The following ZNF831 variants were observed in gnomAD, a reference collection of about 807,000 sequenced individuals.
The protein encoded by ZNF831 is chromosome 20 open reading frame 174.
In ZNF831, 59 loss-of-function variants were observed where a neutral mutation model predicts 95.8. That is an observed-to-expected ratio of 0.62 (90% CI 0.50 to 0.77). The LOEUF (loss-of-function observed/expected upper bound fraction) is 0.77. Among genes scored for constraint, ZNF831 ranks in the 30% least tolerant of loss-of-function variants. The pLI, the probability that ZNF831 is intolerant of heterozygous loss-of-function variation, is 0.00. For synonymous variants in ZNF831, 961 were observed against 925.5 expected (o/e 1.04, Z -0.70); for missense variants, 2,205 against 2,164.0 (o/e 1.02, Z -0.38).
intron 3 of ZNF831, among the ~76,000 whole-genome samples, chr20:59,203,535 G>A (rs1984675870): frequency 6.6e-6 from 1 of 152,072 alleles, no homozygotes; most frequent in South Asian, 2.1e-4. Flanking sequence ...AAGAATACGT[G>A]GCACAGATTG....
At chr20:59,167,043 G>A (rs574403715) in intron 1 of ZNF831, among the ~76,000 whole-genome samples, 10 of 152,320 alleles carry the variant, frequency 6.6e-5, no homozygotes, top group East Asian at 3.9e-4. Context: ...CATCCACACC[G>A]AAATGGATCC....
At position 59,184,824 on chromosome 20, in the gene ZNF831, G is replaced by A. The variant is rs1307001324; in HGVS notation, c.-36-6160G>A. Among the ~76,000 whole-genome samples the A allele has an allele frequency of 2.6e-5, 4 of 152,302 alleles. No individual in the cohort carries two copies. The East Asian group carries it at 7.7e-4, about 29-fold the overall frequency. ...TCATTTGTGGTTTGCTTTTGCAAAG[G>A]AGGGCTTGGGAAATTGTCACTTCTT... On this transcript the variant is annotated intron_variant, in intron 1 of 5. Coordinates refer to ENST00000371030, the MANE Select transcript of ZNF831 (RefSeq NM_178457.3).
At chr20:59,251,411 C>T (rs940757359) in intron 4 of ZNF831, among the ~76,000 whole-genome samples, 5 of 152,168 alleles carry the variant, frequency 3.3e-5, no homozygotes, top group East Asian at 1.9e-4. Flanking sequence ...GCAATAGAGC[C>T]GTGTCTGCAA....
intron 2 of ZNF831, among the ~76,000 whole-genome samples, chr20:59,148,740 G>A (rs1744236890): frequency 7.6e-6 from 1 of 131,544 alleles, no homozygotes; most frequent in African/African-American, 2.8e-5. Context: ...GAGCGTGAGA[G>A]CAAGCAGGGT....
intron 4 of ZNF831, among the ~76,000 whole-genome samples, chr20:59,249,234 T>C (rs1362058111): frequency 6.6e-6 from 1 of 152,218 alleles, no homozygotes; most frequent in Admixed American, 6.5e-5. Context: ...CCCTGGCTAC[T>C]CTTTGGATTA....
intron 1 of ZNF831, among the ~76,000 whole-genome samples, chr20:59,144,749 G>A (rs1035120362): frequency 2.0e-5 from 3 of 152,110 alleles, no homozygotes; most frequent in South Asian, 2.1e-4. Context: ...CCTGCCTCTC[G>A]TCCTGGTAGA....
chr20:59,252,216 C>T (rs772466072), intron 4 of ZNF831, among the ~76,000 whole-genome samples: 3 of 152,190 alleles, frequency 2.0e-5, no homozygotes, highest in Non-Finnish European at 2.9e-5. Context: ...TTAGGCTTGA[C>T]TTTTCAGACT....
At chr20:59,236,543 G>A (rs973866857) in intron 4 of ZNF831, among the ~76,000 whole-genome samples, 2 of 148,738 alleles carry the variant, frequency 1.3e-5, no homozygotes, top group African/African-American at 4.9e-5. Context: ...GCACCACCAC[G>A]CTTGGCTAGT....
At chr20:59,135,500 G>A (rs1231216134) in intron 1 of ZNF831, among the ~76,000 whole-genome samples, 2 of 152,248 alleles carry the variant, frequency 1.3e-5, no homozygotes, top group South Asian at 2.1e-4. Context: ...GGGAGGCCGA[G>A]GCGGGCAGAT....
chr20:59,185,079 C>T (rs1375090155), intron 1 of ZNF831, among the ~76,000 whole-genome samples: 1 of 147,658 alleles, frequency 6.8e-6, no homozygotes, highest in Non-Finnish European at 1.5e-5. Flanking sequence ...ACCCTTCCCT[C>T]GCTCAAAGAG....
intron 4 of ZNF831, among the ~76,000 whole-genome samples, chr20:59,246,089 C>T (rs988165178): frequency 1.3e-5 from 2 of 152,152 alleles, no homozygotes; most frequent in South Asian, 2.1e-4. Context: ...CAGCTCACCT[C>T]TCCCTCCGCA....
chr20:59,179,721 C>T (rs187009699), intron 1 of ZNF831, among the ~76,000 whole-genome samples: 1 of 152,264 alleles, frequency 6.6e-6, no homozygotes, highest in Non-Finnish European at 1.5e-5. Context: ...AGGACACCAT[C>T]AGTCACTGGA....
rs2146594111 is a variant in ZNF831 at position 59,194,094 on chromosome 20, C to A, written c.3075C>A (p.Asp1025Glu). 1 of 1,545,958 alleles carries A rather than the reference C, an allele frequency of 6.5e-7. No homozygotes were observed. Reference sequence around the variant, plus strand: ...GAAAAGGGGCACAGTTGGGGGGGGACAAGGGGGACAGGATGGCCACTAGCA... The same window carrying A: ...GAAAAGGGGCACAGTTGGGGGGGGAAAAGGGGGACAGGATGGCCACTAGCA... ...DGRKGAQLGG[D>E]KGDRMATSRP... Residue 1025 changes from aspartate to glutamate, a missense_variant, in exon 2 of 6, where the codon GAC (aspartate) becomes GAA (glutamate). Physicochemically the swap from Asp to Glu is conservative, Grantham distance 45. Transcript: ENST00000371030.
In ZNF831 at chr20:59,208,651, C is replaced by T. The variant is rs78097864; in HGVS notation, c.4027+1595C>T. On this transcript the variant is annotated intron_variant, in intron 4 of 5. Transcript: ENST00000371030. This position sits in a 1 kb window ranked among gnomAD's most constrained non-coding sequence, Gnocchi z 4.2. The stretch of plus-strand genomic sequence containing the variant: ...GGAACTCCAAGTACGAAGTGAGCCT[C>T]GGGGGTCATGGTACTTGCTGGCTGA... Among the ~76,000 whole-genome samples, 459 of 152,272 alleles carry T rather than the reference C, an allele frequency of 3.0e-3. 1 individual carries two copies. The highest frequency in any genetic ancestry group is 0.011 in the African/African-American group (442 of 41,530).
At chr20:59,123,676 C>T (rs1349444815) in intron 1 of ZNF831, among the ~76,000 whole-genome samples, 2 of 152,144 alleles carry the variant, frequency 1.3e-5, no homozygotes, top group Admixed American at 6.5e-5. Context: ...GAAGAAAGCT[C>T]AAGGAGAGCG....
chr20:59,188,691 G>A (rs1271975631), intron 1 of ZNF831, among the ~76,000 whole-genome samples: 1 of 147,984 alleles, frequency 6.8e-6, no homozygotes, highest in Non-Finnish European at 1.5e-5. Flanking sequence ...AATAAATTGG[G>A]TTGTCTTTTG....
In ZNF831 at chr20:59,191,930, A is replaced by G. The variant is rs756033182; in HGVS notation, c.911A>G (p.Gln304Arg). The G allele has an allele frequency of 1.1e-5, 18 of 1,610,766 alleles. No individual in the cohort carries two copies. Among genetic ancestry groups the G allele is most frequent in the Non-Finnish European group, 1.5e-5 (18 of 1,179,066 alleles). ...CAACCCTGGCGTAAGTTGCCAGAGC[A>G]GAAGTCGCCGACCGCCGGGAAGCCG... is the stretch of plus-strand genomic sequence containing the variant. ...STQPWRKLPE[Q>R]KSPTAGKPCA... The change falls in exon 2 of 6, where the codon CAG (glutamine) becomes CGG (arginine). Residue 304 changes from glutamine to arginine, a missense_variant. By Grantham distance (43) the Gln-to-Arg change is conservative (BLOSUM62 1). Coordinates refer to ENST00000371030, the MANE Select transcript of ZNF831 (RefSeq NM_178457.3).
chr20:59,233,260 T>A (rs1986835270), intron 4 of ZNF831, among the ~76,000 whole-genome samples: 1 of 152,122 alleles, frequency 6.6e-6, no homozygotes, highest in Admixed American at 6.5e-5. Flanking sequence ...TCCCTTCCCA[T>A]TCAGTACTGG....
At chr20:59,198,252 A>G (rs1033037095) in intron 3 of ZNF831, among the ~76,000 whole-genome samples, 2 of 152,242 alleles carry the variant, frequency 1.3e-5, no homozygotes, top group African/African-American at 4.8e-5. Flanking sequence ...GACCCTTATT[A>G]GGCCAGTGCT....
Sources: gnomAD v4.1 joint callset for allele counts (sites outside exome capture counted in the v4.1 genomes callset) on GRCh38, gnomAD v4.1.1 for gene constraint, Gnocchi (gnomAD v3.1) non-coding constraint, MANE v1.5 for transcripts, NCBI Gene and HGNC (gene_info 2026-07-23, HGNC 2026-07-21) for gene names.